The following MACROD2 variants were observed in gnomAD, a reference collection of about 807,000 sequenced individuals.
MACROD2 encodes the protein mono-ADP ribosylhydrolase 2, also known as ADP-ribose glycohydrolase MACROD2.
A neutral mutation model predicts 70.4 loss-of-function variants in MACROD2; 36 were observed. The observed-to-expected ratio is 0.51, with a 90% confidence interval of 0.39 to 0.68. The LOEUF is 0.68. Ranked by LOEUF, MACROD2 falls within the 30% of genes least tolerant of loss-of-function variation. MACROD2 has a pLI of 0.00. For synonymous variants in MACROD2, 172 were observed against 178.8 expected (o/e 0.96, Z 0.30); for missense variants, 496 against 538.4 (o/e 0.92, Z 0.78).
At chr20:13,997,071 C>T (rs2052671721) in intron 1 of MACROD2, among the ~76,000 whole-genome samples, 1 of 151,504 alleles carries the variant, frequency 6.6e-6, no homozygotes, top group Admixed American at 6.6e-5. Flanking sequence ...CGAACAAAGG[C>T]GTGAGGAGGG....
At chr20:15,105,882 T>G (rs1483287341) in intron 5 of MACROD2, among the ~76,000 whole-genome samples, 1 of 152,146 alleles carries the variant, frequency 6.6e-6, no homozygotes, top group African/African-American at 2.4e-5. Context: ...GCGACGACAA[T>G]TGAACAGCGT....
intron 10 of MACROD2, among the ~76,000 whole-genome samples, chr20:15,894,172 T>C (rs1186624234): frequency 6.6e-6 from 1 of 152,226 alleles, no homozygotes; most frequent in African/African-American, 2.4e-5. Context: ...GCTGCTCACA[T>C]GCAGGACTGC....
intron 5 of MACROD2, among the ~76,000 whole-genome samples, chr20:15,225,121 A>G (rs1346879145): frequency 6.6e-6 from 1 of 152,050 alleles, no homozygotes; most frequent in Non-Finnish European, 1.5e-5. Flanking sequence ...TTTAAACCCT[A>G]TATTTATCTG....
intron 17 of MACROD2, among the ~76,000 whole-genome samples, chr20:16,045,594 G>A (rs1234863): frequency 0.35 from 52,863 of 151,838 alleles, 10,684 homozygotes; most frequent in South Asian, 0.51. Context: ...AGGGGGAGTT[G>A]TGAAACGTCT....
chr20:14,616,020 A>C (rs1983458234), intron 4 of MACROD2, among the ~76,000 whole-genome samples: 1 of 152,136 alleles, frequency 6.6e-6, no homozygotes, highest in South Asian at 2.1e-4. Context: ...AGTGGCTTTG[A>C]TCCATTATCC....
rs117526792 is a variant in MACROD2, at chr20:15,310,151, A to G, written c.540+80090A>G. ...TTTCTCAGGGTTGTTGTACAGATTC[A>G]ATGGGAATATTTATAAGGTGCCTGG... On this transcript the variant is annotated intron_variant, in intron 6 of 17. Coordinates refer to ENST00000684519, the MANE Select transcript of MACROD2 (RefSeq NM_001351661.2). 9.3e-3 allele frequency among the ~76,000 whole-genome samples: 1,417 copies of G among 152,350 alleles called. 7 individuals carry two copies. Among genetic ancestry groups the G allele is most frequent in the Middle Eastern group, 0.017 (5 of 292 alleles).
At chr20:14,130,441 G>A (rs2054702454) in intron 3 of MACROD2, among the ~76,000 whole-genome samples, 2 of 152,106 alleles carry the variant, frequency 1.3e-5, no homozygotes, top group South Asian at 2.1e-4. Flanking sequence ...CCAGCTACTC[G>A]GGAGGCTGAG....
intron 3 of MACROD2, among the ~76,000 whole-genome samples, chr20:14,143,963 C>A (rs1463992478): frequency 1.3e-5 from 2 of 152,108 alleles, no homozygotes; most frequent in East Asian, 3.9e-4. Flanking sequence ...TCAAGCCTCA[C>A]ACTGGGCAAA....
Position 14,742,773 on chromosome 20 carries a change from A to AT in MACROD2, c.418+57825dup, listed in dbSNP as rs397817634. 3.4e-3 allele frequency among the ~76,000 whole-genome samples: 504 copies of AT among 146,526 alleles called. 3 individuals carry two copies. Among genetic ancestry groups the AT allele is most frequent in the African/African-American group, 7.7e-3 (311 of 40,196 alleles). Reference sequence around the variant, plus strand: ...TATAAACTTTATTTTATTTTATTTTATTTTTTTTTTTGAGATGGAGTCTCA... The same window carrying AT: ...TATAAACTTTATTTTATTTTATTTTATTTTTTTTTTTTGAGATGGAGTCTCA... On this transcript the variant is annotated intron_variant, in intron 5 of 17. Transcript: ENST00000684519.
intron 3 of MACROD2, among the ~76,000 whole-genome samples, chr20:14,421,483 A>G (rs2083875436): frequency 6.6e-6 from 1 of 152,070 alleles, no homozygotes; most frequent in African/African-American, 2.4e-5. Flanking sequence ...TTTCATCTAG[A>G]TTACTCAGTT....
intron 15 of MACROD2, among the ~76,000 whole-genome samples, chr20:16,002,821 G>A (rs1046864283): frequency 6.6e-6 from 1 of 152,018 alleles, no homozygotes; most frequent in African/African-American, 2.4e-5. Context: ...TACCTCTACC[G>A]CTACTCTAGT....
chr20:15,906,740 T>C (rs1281550159), intron 10 of MACROD2, among the ~76,000 whole-genome samples: 1 of 152,250 alleles, frequency 6.6e-6, no homozygotes, highest in Non-Finnish European at 1.5e-5. Context: ...AGTTATCTAC[T>C]CGAATGTTTC....
chr20:14,169,448 G>A (rs1028245560), intron 3 of MACROD2, among the ~76,000 whole-genome samples: 1 of 151,814 alleles, frequency 6.6e-6, no homozygotes, highest in African/African-American at 2.4e-5. Flanking sequence ...GGGATTACAG[G>A]CATGTGCCAC....
chr20:15,286,401 G>A (rs1164965425), intron 6 of MACROD2, among the ~76,000 whole-genome samples: 1 of 148,254 alleles, frequency 6.7e-6, no homozygotes, highest in Non-Finnish European at 1.5e-5. Flanking sequence ...ATCATATCAT[G>A]TCTTTAGTCT....
chr20:15,856,061 T>A (rs141205332), intron 8 of MACROD2, among the ~76,000 whole-genome samples: 70 of 152,328 alleles, frequency 4.6e-4, no homozygotes, highest in African/African-American at 1.6e-3. Context: ...ATTGCTAGGT[T>A]ATAAGACATG....
At chr20:15,907,125 C>A (rs1400323491) in intron 10 of MACROD2, among the ~76,000 whole-genome samples, 2 of 152,178 alleles carry the variant, frequency 1.3e-5, no homozygotes, top group African/African-American at 4.8e-5. Flanking sequence ...ACGCCTTAGC[C>A]TTGGTACCCA....
At chr20:15,680,059 C>A (rs1160010828) in intron 8 of MACROD2, among the ~76,000 whole-genome samples, 1 of 152,088 alleles carries the variant, frequency 6.6e-6, no homozygotes, top group Non-Finnish European at 1.5e-5. Context: ...CACCATGGAA[C>A]CCGTGGGGAC....
intron 5 of MACROD2, among the ~76,000 whole-genome samples, chr20:14,844,410 G>A (rs1482116243): frequency 6.6e-6 from 1 of 151,852 alleles, no homozygotes; most frequent in African/African-American, 2.4e-5. Context: ...CCAGCTACTC[G>A]GGAGGCTGAG....
chr20:14,399,203 T>C (rs2083612420), intron 3 of MACROD2, among the ~76,000 whole-genome samples: 1 of 152,110 alleles, frequency 6.6e-6, no homozygotes, highest in Non-Finnish European at 1.5e-5. Flanking sequence ...TTTTGTATGA[T>C]AGAGACAGGG....
Sources: gnomAD v4.1 joint callset for allele counts (sites outside exome capture counted in the v4.1 genomes callset) on GRCh38, gnomAD v4.1.1 for gene constraint, MANE v1.5 for transcripts, NCBI Gene and HGNC (gene_info 2026-07-23, HGNC 2026-07-21) for gene names.